OGFOD1: variants seen among roughly 807,000 people sequenced by gnomAD.
OGFOD1 encodes the protein 2-oxoglutarate and iron dependent oxygenase domain containing 1, also known as prolyl 3-hydroxylase OGFOD1.
A neutral mutation model predicts 67.7 loss-of-function variants in OGFOD1; 54 were observed. The observed-to-expected ratio is 0.80, with a 90% CI of 0.64 to 1.00. OGFOD1 has a LOEUF of 1.00. Ranked by LOEUF, OGFOD1 falls within the 50% of genes least tolerant of loss-of-function variation. The probability of loss-of-function intolerance (pLI) is 0.00; values close to 1 mark genes in which losing one functional copy is unlikely to be tolerated. For missense variants in OGFOD1, 606 were observed against 646.7 expected (o/e 0.94, Z 0.68); for synonymous variants, 221 against 227.0 (o/e 0.97, Z 0.24).
At chr16:56,455,606 T>G (rs1386254905) in intron 2 of OGFOD1, among the ~76,000 whole-genome samples, 2 of 152,210 alleles carry the variant, frequency 1.3e-5, no homozygotes, top group Non-Finnish European at 2.9e-5. Flanking sequence ...CTCTTTTCTT[T>G]GCTTGTGGTA....
chr16:56,461,676 A>G (rs1226163019), intron 3 of OGFOD1, among the ~76,000 whole-genome samples: 2 of 152,152 alleles, frequency 1.3e-5, no homozygotes, highest in Non-Finnish European at 2.9e-5. Flanking sequence ...AACCTTTATT[A>G]ATGCCTGGTA....
intron 2 of OGFOD1, among the ~76,000 whole-genome samples, chr16:56,457,946 G>A (rs1962581458): frequency 6.6e-6 from 1 of 152,106 alleles, no homozygotes; most frequent in Non-Finnish European, 1.5e-5. Flanking sequence ...CCAAAGTTCT[G>A]GGATTACAGG....
Position 56,458,572 on chromosome 16 carries a change from G to C in OGFOD1, c.325G>C (p.Glu109Gln). Reference sequence around the variant, plus strand: ...GTCTGATGATTTGAAGAAGAGAAGAGAGCCTCACATCTCCACTTTAAGGTA... The same window carrying C: ...GTCTGATGATTTGAAGAAGAGAAGACAGCCTCACATCTCCACTTTAAGGTA... Reference protein sequence around the residue: ...QQSDDLKKRREPHISTLRKIL... With the variant: ...QQSDDLKKRRQPHISTLRKIL... Residue 109 changes from glutamate to glutamine, a missense_variant, in exon 3 of 13, where the codon GAG becomes CAG. Glu to Gln is a conservative substitution (Grantham distance 29). Transcript: ENST00000566157. 5 of 1,613,740 alleles carry C rather than the reference G, an allele frequency of 3.1e-6. No individual in the cohort carries two copies. Among genetic ancestry groups the C allele is most frequent in the Non-Finnish European group, 4.2e-6 (5 of 1,179,706 alleles).
Position 56,457,479 on chromosome 16 carries a change from G to A in OGFOD1, c.301-1069G>A, listed in dbSNP as rs59296060. On this transcript the variant is annotated intron_variant, in intron 2 of 12. Transcript: ENST00000566157. ...CTGAAATTAGGAAGTGCTGATGATC[G>A]CCCAACATTGTGAATATACTAAAAT... Among the ~76,000 whole-genome samples the A allele has an allele frequency of 6.9e-3, 1,044 of 152,200 alleles. 12 individuals carry two copies. The highest frequency in any genetic ancestry group is 0.023 in the African/African-American group (973 of 41,534).
At chr16:56,464,727 T>A (rs1962837064) in intron 4 of OGFOD1, among the ~76,000 whole-genome samples, 1 of 152,200 alleles carries the variant, frequency 6.6e-6, no homozygotes, top group Admixed American at 6.5e-5. Flanking sequence ...TCTTTTTTTT[T>A]TCCTACTTTC....
chr16:56,455,089 C>T (rs1297796993), intron 2 of OGFOD1, among the ~76,000 whole-genome samples: 1 of 152,110 alleles, frequency 6.6e-6, no homozygotes, highest in Admixed American at 6.5e-5. Context: ...GGAAGATGGC[C>T]GGGCACAGTG....
chr16:56,469,981 T>G (rs779824995), intron 8 of OGFOD1, 22 bp from the exon 9 acceptor site: 4 of 1,594,390 alleles, frequency 2.5e-6, no homozygotes, highest in South Asian at 1.1e-5. Context: ...GCTGAATGCT[T>G]CTTTATTTGC....
chr16:56,452,584 C>G (rs1268128045), intron 1 of OGFOD1, among the ~76,000 whole-genome samples: 2 of 152,150 alleles, frequency 1.3e-5, no homozygotes, highest in Non-Finnish European at 2.9e-5. Flanking sequence ...CTATAGAAAA[C>G]GATAGCTTAG....
chr16:56,453,383 A>G lies in OGFOD1; in HGVS notation c.275A>G (p.Tyr92Cys), dbSNP rs867972232. ...ATGAACTTGGACTTCCATGAGAAGT[A>G]TAATGATTTATATAAGTTCCAGCAG... ...ELMNLDFHEK[Y>C]NDLYKFQQSD... The change falls in exon 2 of 13, where the codon TAT becomes TGT. Residue 92 changes from tyrosine (Y) to cysteine (C), a missense_variant. Physicochemically the swap from Tyr to Cys is radical, Grantham distance 194. Transcript: ENST00000566157. The G allele has an allele frequency of 3.1e-6, 5 of 1,611,832 alleles. No homozygotes were observed. The Middle Eastern group carries it at 6.6e-4, about 213-fold the overall frequency.
intron 2 of OGFOD1, among the ~76,000 whole-genome samples, chr16:56,455,877 C>A (rs79648953): frequency 1.3e-5 from 2 of 152,002 alleles, no homozygotes; most frequent in African/African-American, 2.4e-5. Flanking sequence ...AAAAAAAAAA[C>A]TGTTCTTTTC....
At chr16:56,452,814 A>G (rs748189147) in intron 1 of OGFOD1, among the ~76,000 whole-genome samples, 19 of 152,066 alleles carry the variant, frequency 1.2e-4, no homozygotes, top group Non-Finnish European at 2.8e-4. Context: ...CCCGAACTGA[A>G]CTGATTTTTT....
At chr16:56,454,743 C>T (rs1447345760) in intron 2 of OGFOD1, 6 of 424,374 alleles carry the variant, frequency 1.4e-5, no homozygotes, top group East Asian at 7.7e-5. Context: ...GAGTAAATAA[C>T]GAATTTCTCT....
chr16:56,454,565 T>A (rs1471662165), intron 2 of OGFOD1, among the ~76,000 whole-genome samples: 2 of 151,036 alleles, frequency 1.3e-5, no homozygotes, highest in Admixed American at 1.3e-4. Flanking sequence ...GAAATACAGG[T>A]CATTGGTTTC....
rs757643773 is a variant in OGFOD1, at chr16:56,470,056, G to C, written c.954G>C (p.Trp318Cys). 50 of 1,613,948 alleles carry C rather than the reference G, an allele frequency of 3.1e-5. No homozygotes were observed. The highest frequency in any genetic ancestry group is 3.7e-5 in the Non-Finnish European group (44 of 1,180,016). The change falls in exon 9 of 13, where the codon TGG becomes TGC. Residue 318 changes from tryptophan (W) to cysteine (C), a missense_variant. By Grantham distance (215) the Trp-to-Cys change is radical. Coordinates refer to ENST00000566157, the MANE Select transcript of OGFOD1 (RefSeq NM_018233.4). ...CCTTGGAGCATGGACATGTGGAATG[G>C]AGCAGCCGAGGTCCCCCTAACAAAA... ...CEALEHGHVEWSSRGPPNKRF... is the reference protein window; with the variant it reads ...CEALEHGHVECSSRGPPNKRF...
At chr16:56,475,993 T>C (rs1320516852) in intron 12 of OGFOD1, 51 bp from the exon 13 acceptor site, 3 of 1,509,558 alleles carry the variant, frequency 2.0e-6, no homozygotes, top group Non-Finnish European at 1.8e-6. Context: ...TCATCCAAGA[T>C]TTGAGAATAA....
intron 8 of OGFOD1, 44 bp downstream of exon 8, chr16:56,468,062 A>C: frequency 9.3e-7 from 1 of 1,078,872 alleles, no homozygotes; most frequent in Non-Finnish European, 1.4e-6. Context: ...TTTGGCATGC[A>C]ATTTTGCTTC....
intron 5 of OGFOD1, 153 bp from the exon 6 acceptor site, chr16:56,466,723 G>A (rs1567550397): frequency 7.4e-6 from 5 of 672,190 alleles, no homozygotes; most frequent in South Asian, 3.4e-5. Flanking sequence ...AGTCAAACTC[G>A]CAAGTATGAG....
chr16:56,473,428 A>G (rs1028575510), intron 10 of OGFOD1, among the ~76,000 whole-genome samples: 8 of 152,310 alleles, frequency 5.3e-5, no homozygotes, highest in Admixed American at 3.9e-4. Flanking sequence ...CACTGTCATA[A>G]TAAACGACAC....
intron 8 of OGFOD1, 33 bp downstream of exon 8, chr16:56,468,051 G>C: frequency 8.4e-7 from 1 of 1,194,992 alleles, no homozygotes; most frequent in Non-Finnish European, 1.2e-6. Context: ...TGAATATTTT[G>C]TTTGGCATGC....
Sources: gnomAD v4.1 joint callset for allele counts (sites outside exome capture counted in the v4.1 genomes callset) on GRCh38, gnomAD v4.1.1 for gene constraint, MANE v1.5 for transcripts, NCBI Gene and HGNC (gene_info 2026-07-23, HGNC 2026-07-21) for gene names.